Variants in FLNB observed in about 807,000 individuals in gnomAD.
FLNB encodes the protein filamin B.
FLNB carries 111 observed loss-of-function variants against 250.6 expected under a neutral mutation model. That is an observed-to-expected ratio of 0.44 (90% confidence interval 0.38 to 0.52). The LOEUF (loss-of-function observed/expected upper bound fraction) is 0.52. Ranked by LOEUF, FLNB falls within the 20% of genes least tolerant of loss-of-function variation. The pLI, the probability that FLNB is intolerant of heterozygous loss-of-function variation, is 0.00. For missense variants in FLNB, 2,869 were observed against 3,447.8 expected (o/e 0.83, Z 4.20); for synonymous variants, 1,302 against 1,372.1 (o/e 0.95, Z 1.13).
At chr3:58,073,059 G>A (rs751130406) in intron 1 of FLNB, among the ~76,000 whole-genome samples, 9 of 152,160 alleles carry the variant, frequency 5.9e-5, no homozygotes, top group Non-Finnish European at 8.8e-5. Flanking sequence ...GGCCGGATGA[G>A]ACTTCATAGC....
At chr3:58,095,766 G>C (rs185450004) in intron 5 of FLNB, among the ~76,000 whole-genome samples, 13 of 152,262 alleles carry the variant, frequency 8.5e-5, no homozygotes, top group Admixed American at 7.9e-4. Flanking sequence ...CCCCCACCGG[G>C]GCAGGGATTG....
At chr3:58,033,274 C>T (rs972582490) in intron 1 of FLNB, among the ~76,000 whole-genome samples, 2 of 152,176 alleles carry the variant, frequency 1.3e-5, no homozygotes, top group African/African-American at 4.8e-5. Context: ...GTAATTCTTG[C>T]CTTTTATCTC....
At chr3:58,029,209 G>C (rs2097127455) in intron 1 of FLNB, among the ~76,000 whole-genome samples, 1 of 152,056 alleles carries the variant, frequency 6.6e-6, no homozygotes. Flanking sequence ...AGGTTCTCTT[G>C]GAGTCTGTGA....
chr3:58,078,487 T>G (rs1262771825), intron 2 of FLNB: 10 of 1,536,164 alleles, frequency 6.5e-6, no homozygotes, highest in Admixed American at 2.0e-5. Context: ...CCCATCTTCA[T>G]GCAAGAACAT....
chr3:58,008,970 G>A, intron 1 of FLNB, 114 bp downstream of exon 1: 2 of 1,322,322 alleles, frequency 1.5e-6, no homozygotes, highest in Non-Finnish European at 2.2e-6. Flanking sequence ...GGAGATAAGG[G>A]GGAGTCGTCC....
intron 41 of FLNB, 39 bp downstream of exon 41, chr3:58,156,114 C>A: frequency 1.3e-6 from 2 of 1,504,678 alleles, no homozygotes; most frequent in Non-Finnish European, 1.9e-6. Flanking sequence ...TGGCCGCAGG[C>A]CACCAGTGAG....
intron 1 of FLNB, among the ~76,000 whole-genome samples, chr3:58,052,817 G>A (rs1173949012): frequency 6.6e-6 from 1 of 152,154 alleles, no homozygotes; most frequent in Non-Finnish European, 1.5e-5. Flanking sequence ...TTGTGTAAAG[G>A]GCATGCCCTG....
chr3:58,141,685 A>C (rs2097327379), intron 29 of FLNB, among the ~76,000 whole-genome samples, 173 bp from the exon 30 acceptor site: 1 of 152,208 alleles, frequency 6.6e-6, no homozygotes, highest in Non-Finnish European at 1.5e-5. Flanking sequence ...TGACAGTTGA[A>C]GAGAGGACAC....
chr3:58,120,496 G>A (rs1302846988), intron 19 of FLNB, among the ~76,000 whole-genome samples: 1 of 152,146 alleles, frequency 6.6e-6, no homozygotes, highest in Non-Finnish European at 1.5e-5. Flanking sequence ...TTTGTTTTGG[G>A]TAAAGTCCTT....
chr3:58,140,047 G>A (rs1185755051), intron 29 of FLNB, among the ~76,000 whole-genome samples: 1 of 152,116 alleles, frequency 6.6e-6, no homozygotes, highest in Admixed American at 6.5e-5. Context: ...AGGCAGAAAG[G>A]GACGATCACC....
chr3:58,143,030 T>C (rs1454349427), intron 31 of FLNB, among the ~76,000 whole-genome samples: 1 of 152,248 alleles, frequency 6.6e-6, no homozygotes, highest in Non-Finnish European at 1.5e-5. Flanking sequence ...AGATACCTCA[T>C]GACTGTCGGG....
intron 1 of FLNB, among the ~76,000 whole-genome samples, chr3:58,072,262 C>T (rs2097195700): frequency 6.6e-6 from 1 of 151,986 alleles, no homozygotes; most frequent in African/African-American, 2.4e-5. Flanking sequence ...AGGAGAAACC[C>T]ATGGCCCAAT....
chr3:58,037,248 A>C (rs1321410706), intron 1 of FLNB, among the ~76,000 whole-genome samples: 1 of 151,956 alleles, frequency 6.6e-6, no homozygotes, highest in African/African-American at 2.4e-5. Flanking sequence ...TATTTTTAGT[A>C]GAGACGGGGT....
rs756594330 is a variant in FLNB at position 58,104,056 on chromosome 3, C to T, written c.1581C>T (p.Ile527=). Residue 527 remains isoleucine (I), a synonymous_variant, in exon 10 of 46, where the codon ATC becomes ATT. Transcript: ENST00000295956. ...CCCCGGGGAGATACAGCATTGCCAT[C>T]ACATGGGGGGGACACCACATTCCAA... The part of the protein sequence containing the change: ...PSTPGRYSIA[I]TWGGHHIPKS... The T allele has an allele frequency of 2.5e-6, 4 of 1,613,980 alleles. No individual in the cohort carries two copies. Among genetic ancestry groups the T allele is most frequent in the East Asian group, 4.5e-5 (2 of 44,870 alleles).
rs752501218 is a variant in FLNB, at chr3:58,098,937, CT to C, written c.1345+31del. ...AGTGCTGGGCTGCTGGCCACATGTG[CT>C]TCTCATAGGGAAGCTGACTGCACAG... On this transcript the variant is annotated intron_variant, in intron 8 of 45. Coordinates refer to ENST00000295956, the MANE Select transcript of FLNB (RefSeq NM_001457.4). 4.4e-6 allele frequency: 7 copies of C among 1,598,688 alleles called. No individual in the cohort carries two copies. In the African/African-American group the frequency reaches 9.4e-5, roughly 21 times the overall value.
chr3:58,045,999 CAAAAAAAA>C (rs34327981), intron 1 of FLNB, among the ~76,000 whole-genome samples: 2 of 69,006 alleles, frequency 2.9e-5, no homozygotes, highest in African/African-American at 5.4e-5. Context: ...ACTCCGTCTC[CAAAAAAAA>C]AAAAAAAAAA....
chr3:58,087,337 T>G (rs966615985), intron 4 of FLNB, among the ~76,000 whole-genome samples: 1 of 152,114 alleles, frequency 6.6e-6, no homozygotes, highest in Non-Finnish European at 1.5e-5. Context: ...TGTGTCAAAA[T>G]AATACAGGAA....
At chr3:58,012,230 A>G (rs1444556520) in intron 1 of FLNB, among the ~76,000 whole-genome samples, 11 of 136,066 alleles carry the variant, frequency 8.1e-5, no homozygotes, top group Non-Finnish European at 1.6e-5. Flanking sequence ...AAAAAAAAAA[A>G]AGTCATGCCC....
chr3:58,112,457 A>G, intron 18 of FLNB, 139 bp downstream of exon 18: 1 of 827,206 alleles, frequency 1.2e-6, no homozygotes, highest in Non-Finnish European at 2.0e-6. Context: ...AGCTCCTGGC[A>G]CTTTGAACCC....
Sources: gnomAD v4.1 joint callset for allele counts (sites outside exome capture counted in the v4.1 genomes callset) on GRCh38, gnomAD v4.1.1 for gene constraint, MANE v1.5 for transcripts, NCBI Gene and HGNC (gene_info 2026-07-23, HGNC 2026-07-21) for gene names.